HIBADH: variants seen among roughly 807,000 people sequenced by gnomAD.
HIBADH encodes 3-hydroxyisobutyrate dehydrogenase, also known as 3-hydroxyisobutyrate dehydrogenase, mitochondrial.
HIBADH carries 25 observed loss-of-function variants against 36.1 expected under a neutral mutation model. The observed-to-expected ratio is 0.69, with a 90% CI of 0.50 to 0.97. The LOEUF (loss-of-function observed/expected upper bound fraction) is 0.97, where lower values mean the gene tolerates loss of function less well. Among genes scored for constraint, HIBADH ranks in the 50% least tolerant of loss-of-function variants. The pLI, the probability that HIBADH is intolerant of heterozygous loss-of-function variation, is 0.00. For synonymous variants in HIBADH, 160 were observed against 149.5 expected (o/e 1.07, Z -0.51); for missense variants, 421 against 418.0 (o/e 1.01, Z -0.06).
chr7:27,641,167 C>A (rs1036796535), intron 2 of HIBADH, among the ~76,000 whole-genome samples: 2 of 151,928 alleles, frequency 1.3e-5, no homozygotes, highest in South Asian at 4.2e-4. Flanking sequence ...CACTCCCCAA[C>A]TCTTCCAATA....
At chr7:27,595,070 G>A (rs1583587344) in intron 4 of HIBADH, among the ~76,000 whole-genome samples, 1 of 152,242 alleles carries the variant, frequency 6.6e-6, no homozygotes, top group Admixed American at 6.5e-5. Context: ...ACCAAACTCA[G>A]AAGCCATAAA....
intron 4 of HIBADH, among the ~76,000 whole-genome samples, chr7:27,585,228 C>CA (rs1240865456): frequency 2.0e-5 from 3 of 150,726 alleles, no homozygotes; most frequent in Admixed American, 2.0e-4. Context: ...TGTATATTTG[C>CA]ATGTGCACAC....
At chr7:27,618,736 A>G (rs1238086575) in intron 4 of HIBADH, among the ~76,000 whole-genome samples, 4 of 152,178 alleles carry the variant, frequency 2.6e-5, no homozygotes, top group African/African-American at 7.2e-5. Flanking sequence ...GTCAGGAAGC[A>G]TGGCATCAGC....
At position 27,650,418 on chromosome 7, in the gene HIBADH, A is replaced by C. The variant is rs543226627; in HGVS notation, c.92-785T>G. On this transcript the variant is annotated intron_variant, in intron 1 of 7. Coordinates refer to ENST00000265395, the MANE Select transcript of HIBADH (RefSeq NM_152740.4). Reference sequence around the variant, plus strand: ...GTAACAGTATCAGGACCTTGGTCTAACAACTCTGAACTTTCAGAAAAGAGA... The same window carrying C: ...GTAACAGTATCAGGACCTTGGTCTACCAACTCTGAACTTTCAGAAAAGAGA... 4.6e-5 allele frequency among the ~76,000 whole-genome samples: 7 copies of C among 151,694 alleles called. No individual in the cohort carries two copies. The South Asian group carries it at 8.3e-4, about 18-fold the overall frequency.
intron 4 of HIBADH, among the ~76,000 whole-genome samples, chr7:27,616,971 T>C (rs12670771): frequency 0.76 from 115,599 of 152,108 alleles, 44,382 homozygotes; most frequent in East Asian, 0.94. Context: ...TAAGCTGAAG[T>C]TGATTTATTA....
At chr7:27,558,347 G>C (rs1002576110) in intron 4 of HIBADH, among the ~76,000 whole-genome samples, 1 of 151,626 alleles carries the variant, frequency 6.6e-6, no homozygotes, top group Non-Finnish European at 1.5e-5. Flanking sequence ...TTTTTTGGGG[G>C]GACAGGGTCT....
At chr7:27,632,571 G>T in intron 2 of HIBADH, 126 bp from the exon 3 acceptor site, 5 of 337,270 alleles carry the variant, frequency 1.5e-5, no homozygotes, top group South Asian at 8.7e-5. Context: ...ATCCTTGTTT[G>T]CAAATGACCA....
rs3219776 is a variant in HIBADH, at chr7:27,595,579, G to GGTGTGT, written c.484+33786_484+33791dup. Among the ~76,000 whole-genome samples, 981 of 143,410 alleles carry GGTGTGT rather than the reference G, an allele frequency of 6.8e-3. 4 individuals carry two copies. The highest frequency in any genetic ancestry group is 0.011 in the Admixed American group (164 of 14,308). The allele number at this position is 143,410 out of a possible 152,430, so 94.1% of individuals were successfully genotyped here. A position where few individuals can be genotyped will look rare whatever the true frequency, so the allele number is the denominator to read the frequency against. On this transcript the variant is annotated intron_variant, in intron 4 of 7. Transcript: ENST00000265395. ...ATACAGTGTAATTTCCATAAGGGCA[G>GGTGTGT]GTGTGTGTGTGTGTGTGTGTGTGTG...
intron 4 of HIBADH, among the ~76,000 whole-genome samples, chr7:27,610,058 A>G (rs1785298005): frequency 6.6e-6 from 1 of 152,078 alleles, no homozygotes; most frequent in Admixed American, 6.5e-5. Context: ...ATCTCAGGTG[A>G]TCTGCCCACC....
intron 4 of HIBADH, among the ~76,000 whole-genome samples, chr7:27,588,186 T>A (rs141366331): frequency 2.0e-4 from 31 of 152,330 alleles, no homozygotes; most frequent in African/African-American, 6.7e-4. Context: ...GTAACCATGT[T>A]TCAGGTTTAA....
intron 4 of HIBADH, among the ~76,000 whole-genome samples, chr7:27,581,932 A>G (rs759559360): frequency 3.3e-5 from 5 of 152,006 alleles, no homozygotes; most frequent in Non-Finnish European, 7.4e-5. Flanking sequence ...ATAGTACTTG[A>G]TTTTAGTCCC....
At chr7:27,529,783 C>G (rs554491979) in intron 7 of HIBADH, among the ~76,000 whole-genome samples, 1 of 152,200 alleles carries the variant, frequency 6.6e-6, no homozygotes, top group African/African-American at 2.4e-5. Flanking sequence ...TGCTATCAAA[C>G]AGTAGCACAT....
At chr7:27,583,346 A>C (rs755376182) in intron 4 of HIBADH, among the ~76,000 whole-genome samples, 18 of 152,028 alleles carry the variant, frequency 1.2e-4, no homozygotes, top group Non-Finnish European at 2.7e-4. Flanking sequence ...AGACTTGGCC[A>C]ATGTTACAAA....
intron 1 of HIBADH, among the ~76,000 whole-genome samples, chr7:27,651,552 T>C (rs1464357150): frequency 2.6e-5 from 4 of 152,236 alleles, no homozygotes; most frequent in Non-Finnish European, 4.4e-5. Flanking sequence ...GTGGCATTAC[T>C]GTGTTAAGGT....
At chr7:27,638,487 A>T (rs1049791029) in intron 2 of HIBADH, among the ~76,000 whole-genome samples, 1 of 152,042 alleles carries the variant, frequency 6.6e-6, no homozygotes, top group African/African-American at 2.4e-5. Flanking sequence ...AGCTATAAAA[A>T]CCTGGAAGAT....
chr7:27,540,899 A>G (rs936139931), intron 5 of HIBADH, among the ~76,000 whole-genome samples: 6 of 152,210 alleles, frequency 3.9e-5, no homozygotes, highest in Non-Finnish European at 2.9e-5. Context: ...GATGGAAACA[A>G]TCCAGAAACA....
Position 27,525,999 on chromosome 7 carries a change from G to A in HIBADH, c.*215C>T, listed in dbSNP as rs143968240. ...AAGGTCAATTAAGCTAGTTAGCAGA[G>A]ACTATCAGTGGCTTGCAGAAAAAAA... is the stretch of plus-strand genomic sequence containing the variant. On this transcript the variant is annotated 3_prime_UTR_variant, in exon 8 of 8. Transcript: ENST00000265395. The A allele has an allele frequency of 1.3e-3, 453 of 346,354 alleles. 2 individuals carry two copies. The highest frequency in any genetic ancestry group is 8.7e-3 in the African/African-American group (412 of 47,382). The allele number at this position is 346,354 out of a possible 1,614,324, so 21.5% of individuals were successfully genotyped here. A position where few individuals can be genotyped will look rare whatever the true frequency, so the allele number is the denominator to read the frequency against.
chr7:27,541,973 T>C (rs62454854), intron 5 of HIBADH, among the ~76,000 whole-genome samples: 14,398 of 152,280 alleles, frequency 0.095, 954 homozygotes, highest in Non-Finnish European at 0.14. Flanking sequence ...TATGCCATTA[T>C]GATTTAATGC....
At chr7:27,620,216 G>A (rs1410815673) in intron 4 of HIBADH, among the ~76,000 whole-genome samples, 1 of 152,082 alleles carries the variant, frequency 6.6e-6, no homozygotes, top group Non-Finnish European at 1.5e-5. Context: ...TACTCAGGAG[G>A]TTGGGGTTGG....
Sources: gnomAD v4.1 joint callset for allele counts (sites outside exome capture counted in the v4.1 genomes callset) on GRCh38, gnomAD v4.1.1 for gene constraint, MANE v1.5 for transcripts, NCBI Gene and HGNC (gene_info 2026-07-23, HGNC 2026-07-21) for gene names.